ROR2: variants seen among roughly 807,000 people sequenced by gnomAD.
ROR2 encodes the protein tyrosine-protein kinase transmembrane receptor ROR2.
A neutral mutation model predicts 74.9 loss-of-function variants in ROR2; 33 were observed. The observed-to-expected ratio is 0.44, with a 90% CI of 0.33 to 0.59. The LOEUF is 0.59. ROR2 is among the 20% of genes least tolerant of loss of function. ROR2 has a pLI of 0.02. For missense variants in ROR2, 1,216 were observed against 1,313.8 expected, an observed-to-expected ratio of 0.93 and a Z score of 1.15; for synonymous variants, 586 against 558.7, an observed-to-expected ratio of 1.05 and a Z score of -0.69.
At chr9:91,838,978 G>A (rs1321391336) in intron 1 of ROR2, among the ~76,000 whole-genome samples, 2 of 152,126 alleles carry the variant, frequency 1.3e-5, no homozygotes, top group Non-Finnish European at 2.9e-5. Context: ...GGGAGAGAGG[G>A]AAATCTAACA....
chr9:91,858,746 C>G (rs1294143832), intron 1 of ROR2, among the ~76,000 whole-genome samples: 1 of 152,214 alleles, frequency 6.6e-6, no homozygotes, highest in African/African-American at 2.4e-5. Flanking sequence ...CTCAGGGCCT[C>G]TGCATGCCAC....
chr9:91,796,301 C>T (rs903848919), intron 1 of ROR2, among the ~76,000 whole-genome samples: 4 of 151,912 alleles, frequency 2.6e-5, no homozygotes, highest in African/African-American at 9.7e-5. Flanking sequence ...GGCATGGTGA[C>T]GCACGCCAGT....
At chr9:91,904,877 G>A (rs536363555) in intron 1 of ROR2, among the ~76,000 whole-genome samples, 8 of 152,050 alleles carry the variant, frequency 5.3e-5, no homozygotes, top group African/African-American at 1.2e-4. Context: ...TACCTGGGAC[G>A]GCTCCAAGGT....
At chr9:91,913,743 C>T (rs899491278) in intron 1 of ROR2, among the ~76,000 whole-genome samples, 19 of 152,162 alleles carry the variant, frequency 1.2e-4, no homozygotes, top group African/African-American at 4.6e-4. Flanking sequence ...AAAAAGCTTT[C>T]ACATACGAGG....
At chr9:91,884,388 T>C (rs1484319973) in intron 1 of ROR2, among the ~76,000 whole-genome samples, 2 of 147,884 alleles carry the variant, frequency 1.4e-5, no homozygotes, top group Admixed American at 1.4e-4. Context: ...CCAGGAGTCA[T>C]GGGGGGTGGG....
chr9:91,893,984 T>G (rs1830482006), intron 1 of ROR2, among the ~76,000 whole-genome samples: 1 of 151,892 alleles, frequency 6.6e-6, no homozygotes, highest in Admixed American at 6.6e-5. Context: ...TCAGAGGGTG[T>G]TTTTTTTAGC....
chr9:91,904,472 C>T (rs1032824995), intron 1 of ROR2, among the ~76,000 whole-genome samples: 3 of 152,190 alleles, frequency 2.0e-5, no homozygotes, highest in Non-Finnish European at 4.4e-5. Flanking sequence ...GTAGGACCTG[C>T]GCCACGACCA....
At chr9:91,756,620 C>T (rs1186390274) in intron 3 of ROR2, among the ~76,000 whole-genome samples, 1 of 152,114 alleles carries the variant, frequency 6.6e-6, no homozygotes, top group African/African-American at 2.4e-5. Context: ...CTCCCACTGA[C>T]ACCTGACCTC....
At chr9:91,879,212 G>A (rs940057736) in intron 1 of ROR2, among the ~76,000 whole-genome samples, 5 of 152,074 alleles carry the variant, frequency 3.3e-5, no homozygotes, top group African/African-American at 4.8e-5. Context: ...ATGAGTAATC[G>A]GAACAGACTG....
rs149315987 is a variant in ROR2 at position 91,945,570 on chromosome 9, C to G, written c.97+4297G>C. 5.8e-4 allele frequency among the ~76,000 whole-genome samples: 89 copies of G among 152,310 alleles called. 1 individual carries two copies. The East Asian group carries it at 0.015, about 26-fold the overall frequency. The stretch of plus-strand genomic sequence containing the variant: ...TAGAACTTAAGGATTTCTAGAGGAC[C>G]AAGCTACTTAGTCGAATTAAGCTAC... On this transcript the variant is annotated intron_variant, in intron 1 of 8. Coordinates refer to ENST00000375708, the MANE Select transcript of ROR2 (RefSeq NM_004560.4).
chr9:91,887,979 ACGGGGTTTTG>A (rs1830333001), intron 1 of ROR2, among the ~76,000 whole-genome samples: 1 of 151,684 alleles, frequency 6.6e-6, no homozygotes, highest in African/African-American at 2.4e-5. Flanking sequence ...TTTAGTAGAG[ACGGGGTTTTG>A]CCATGTTGGT....
chr9:91,837,141 G>GTTT (rs11296952), intron 1 of ROR2, among the ~76,000 whole-genome samples: 2 of 150,236 alleles, frequency 1.3e-5, no homozygotes, highest in African/African-American at 4.8e-5. Context: ...ATTGCTTACT[G>GTTT]TTTTTTTTTT....
chr9:91,729,013 A>C (rs954362508), intron 7 of ROR2, among the ~76,000 whole-genome samples: 7 of 152,038 alleles, frequency 4.6e-5, no homozygotes, highest in African/African-American at 1.2e-4. Flanking sequence ...GATTCTAAGA[A>C]TTGACTGGTC....
intron 1 of ROR2, among the ~76,000 whole-genome samples, chr9:91,869,000 GTAT>G (rs1829717153): frequency 6.6e-6 from 1 of 152,120 alleles, no homozygotes; most frequent in Non-Finnish European, 1.5e-5. Flanking sequence ...CCACTCCTAG[GTAT>G]TCACCATAGA....
At chr9:91,931,587 G>C (rs533257111) in intron 1 of ROR2, among the ~76,000 whole-genome samples, 68 of 152,086 alleles carry the variant, frequency 4.5e-4, no homozygotes, top group African/African-American at 1.6e-3. Flanking sequence ...TTATATCTAA[G>C]GTCCCACTTA....
At chr9:91,764,787 G>A (rs1374383054) in intron 2 of ROR2, among the ~76,000 whole-genome samples, 1 of 152,166 alleles carries the variant, frequency 6.6e-6, no homozygotes, top group Non-Finnish European at 1.5e-5. Context: ...GACTAAGGCT[G>A]CAAACACTCT....
chr9:91,895,966 T>C (rs976428354), intron 1 of ROR2, among the ~76,000 whole-genome samples: 4 of 152,164 alleles, frequency 2.6e-5, no homozygotes, highest in African/African-American at 9.7e-5. Flanking sequence ...TGCCAGTACC[T>C]CCCACCAGAC....
chr9:91,858,050 G>T (rs925360838), intron 1 of ROR2, among the ~76,000 whole-genome samples: 19 of 152,110 alleles, frequency 1.2e-4, no homozygotes, highest in African/African-American at 4.3e-4. Context: ...CCAGAATCCG[G>T]TCCTAATCCT....
intron 1 of ROR2, among the ~76,000 whole-genome samples, chr9:91,898,896 A>G (rs1830602744): frequency 6.6e-6 from 1 of 152,210 alleles, no homozygotes; most frequent in African/African-American, 2.4e-5. Context: ...GAGCAAGGCC[A>G]CAGTAACTCC....
Sources: gnomAD v4.1 joint callset for allele counts (sites outside exome capture counted in the v4.1 genomes callset) on GRCh38, gnomAD v4.1.1 for gene constraint, MANE v1.5 for transcripts, NCBI Gene and HGNC (gene_info 2026-07-23, HGNC 2026-07-21) for gene names.